Variants in ARHGAP28 observed in about 807,000 individuals in gnomAD.
ARHGAP28 encodes rho GTPase-activating protein 28.
In ARHGAP28, 56 loss-of-function variants were observed where a neutral mutation model predicts 90.7. The observed-to-expected ratio is 0.62, with a 90% CI of 0.50 to 0.77. ARHGAP28 has a LOEUF of 0.77. Among genes scored for constraint, ARHGAP28 ranks in the 30% least tolerant of loss-of-function variants. The pLI is 0.00. For missense variants in ARHGAP28, 869 were observed against 900.9 expected (o/e 0.96, Z 0.45); for synonymous variants, 308 against 323.3 (o/e 0.95, Z 0.51).
intron 1 of ARHGAP28, among the ~76,000 whole-genome samples, chr18:6,806,830 G>A (rs2143660605): frequency 6.6e-6 from 1 of 151,796 alleles, no homozygotes; most frequent in East Asian, 1.9e-4. Context: ...TCATTTTTAT[G>A]TCTGAAAAAA....
At chr18:6,758,424 A>G (rs7235303) in intron 1 of ARHGAP28, among the ~76,000 whole-genome samples, 10,891 of 152,094 alleles carry the variant, frequency 0.072, 512 homozygotes, top group African/African-American at 0.14. Flanking sequence ...CCCGAGTTCA[A>G]ATGATTCTCC....
At chr18:6,797,492 C>T (rs2056449501) in intron 1 of ARHGAP28, among the ~76,000 whole-genome samples, 1 of 152,128 alleles carries the variant, frequency 6.6e-6, no homozygotes, top group Non-Finnish European at 1.5e-5. Flanking sequence ...TATGATATTT[C>T]TCCCCCACCT....
intron 1 of ARHGAP28, among the ~76,000 whole-genome samples, chr18:6,771,107 G>T (rs1167358237): frequency 6.6e-6 from 1 of 152,016 alleles, no homozygotes; most frequent in Non-Finnish European, 1.5e-5. Context: ...TATGATCATG[G>T]CTCACTGCAG....
chr18:6,837,352 A>G lies in ARHGAP28; in HGVS notation c.481A>G (p.Arg161Gly), dbSNP rs372643834. ...KRYHTYTQTM[R>G]KKDKQSIRDV... ...ATACCATACCTATACCCAAACCATG[A>G]GGAAAAAGGATAAGCAATCTATCAG... Residue 161 changes from arginine to glycine, a missense_variant, in exon 3 of 18, where the codon AGG (arginine) becomes GGG (glycine). Transcript: ENST00000383472. 3.1e-6 allele frequency: 5 copies of G among 1,613,842 alleles called. No individual in the cohort carries two copies. The highest frequency in any genetic ancestry group is 4.2e-6 in the Non-Finnish European group (5 of 1,179,998).
At chr18:6,845,056 C>A (rs2056856024) in intron 3 of ARHGAP28, among the ~76,000 whole-genome samples, 1 of 152,048 alleles carries the variant, frequency 6.6e-6, no homozygotes, top group South Asian at 2.1e-4. Flanking sequence ...TAATTCCCAC[C>A]ATAAGAAATA....
chr18:6,824,220 C>G (rs9959760), intron 1 of ARHGAP28, among the ~76,000 whole-genome samples: 1 of 152,062 alleles, frequency 6.6e-6, no homozygotes, highest in African/African-American at 2.4e-5. Context: ...AATTCCTATA[C>G]GGCCACAGAG....
chr18:6,869,087 C>T (rs967125599), intron 6 of ARHGAP28, among the ~76,000 whole-genome samples: 10 of 152,200 alleles, frequency 6.6e-5, no homozygotes, highest in African/African-American at 1.9e-4. Flanking sequence ...CAGCCTTCTA[C>T]GTGGAATTGT....
At chr18:6,735,995 T>C (rs1209114188) in intron 1 of ARHGAP28, among the ~76,000 whole-genome samples, 1 of 152,238 alleles carries the variant, frequency 6.6e-6, no homozygotes, top group Non-Finnish European at 1.5e-5. Flanking sequence ...GTCTGCCAGA[T>C]TTCTGTACTA....
chr18:6,895,598 C>A (rs2057298998), intron 15 of ARHGAP28, among the ~76,000 whole-genome samples: 4 of 152,208 alleles, frequency 2.6e-5, no homozygotes. Flanking sequence ...CTCAGCTGGT[C>A]TCAGCCTCCA....
intron 1 of ARHGAP28, among the ~76,000 whole-genome samples, chr18:6,793,096 G>C (rs2056417661): frequency 6.6e-6 from 1 of 152,140 alleles, no homozygotes; most frequent in Admixed American, 6.6e-5. Context: ...CTGCCCAAAA[G>C]ACTATTTTTC....
chr18:6,876,091 A>G (rs761173813), intron 9 of ARHGAP28, 40 bp from the exon 10 acceptor site: 3 of 1,431,316 alleles, frequency 2.1e-6, no homozygotes, highest in South Asian at 2.3e-5. Flanking sequence ...TTATGATCAT[A>G]TAGAGGTACT....
chr18:6,901,612 A>G (rs1368433457), intron 16 of ARHGAP28, among the ~76,000 whole-genome samples: 1 of 151,954 alleles, frequency 6.6e-6, no homozygotes, highest in East Asian at 1.9e-4. Context: ...CAATCTAAAC[A>G]TGAGAAAAAT....
At chr18:6,822,572 A>G (rs1358117300) in intron 1 of ARHGAP28, among the ~76,000 whole-genome samples, 1 of 152,256 alleles carries the variant, frequency 6.6e-6, no homozygotes, top group African/African-American at 2.4e-5. Flanking sequence ...TGAACTATAA[A>G]GAATTCAGCG....
intron 1 of ARHGAP28, among the ~76,000 whole-genome samples, chr18:6,765,802 G>A (rs1020167311): frequency 1.3e-5 from 2 of 151,896 alleles, no homozygotes; most frequent in Non-Finnish European, 2.9e-5. Context: ...ATATATATTG[G>A]TTTGTTGTCG....
chr18:6,865,042 G>A (rs1430570469), intron 5 of ARHGAP28, among the ~76,000 whole-genome samples: 2 of 152,072 alleles, frequency 1.3e-5, no homozygotes, highest in Non-Finnish European at 2.9e-5. Flanking sequence ...TTATTTAATT[G>A]TGCCTATTTT....
At chr18:6,807,431 A>G (rs1221458436) in intron 1 of ARHGAP28, among the ~76,000 whole-genome samples, 1 of 152,060 alleles carries the variant, frequency 6.6e-6, no homozygotes, top group Non-Finnish European at 1.5e-5. Context: ...ATAGTTCTAT[A>G]AATATTTTTG....
intron 7 of ARHGAP28, among the ~76,000 whole-genome samples, 190 bp downstream of exon 7, chr18:6,870,922 T>C (rs891793611): frequency 2.0e-5 from 3 of 152,214 alleles, no homozygotes; most frequent in Middle Eastern, 3.4e-3. Flanking sequence ...TGCCTCAGCC[T>C]CCCGAGTAGC....
chr18:6,730,947 T>G (rs4078165), intron 1 of ARHGAP28, among the ~76,000 whole-genome samples: 1 of 152,106 alleles, frequency 6.6e-6, no homozygotes, highest in Non-Finnish European at 1.5e-5. Flanking sequence ...GTGATTTTAA[T>G]TGATTTCCTA....
intron 3 of ARHGAP28, among the ~76,000 whole-genome samples, chr18:6,839,596 C>CT (rs1160600030): frequency 1.3e-5 from 2 of 152,216 alleles, no homozygotes; most frequent in Non-Finnish European, 2.9e-5. Context: ...TGCGCCCGGC[C>CT]ATAATTTTTT....
Sources: allele counts gnomAD v4.1 joint callset (sites outside exome capture counted in the v4.1 genomes callset), GRCh38; gene constraint gnomAD v4.1.1; transcripts MANE v1.5; gene names NCBI Gene and HGNC (gene_info 2026-07-23, HGNC 2026-07-21).